The following EIF4G3 variants were observed in gnomAD, a reference collection of about 807,000 sequenced individuals.
The protein encoded by EIF4G3 is eIF-4-gamma 3.
EIF4G3 carries 34 observed loss-of-function variants against 186.4 expected under a neutral mutation model. The observed-to-expected ratio is 0.18, with a 90% CI of 0.14 to 0.24. EIF4G3 has a LOEUF of 0.24. Among genes scored for constraint, EIF4G3 ranks in the 10% least tolerant of loss-of-function variants. The pLI is 1.00. For missense variants in EIF4G3, 1,536 were observed against 1,948.5 expected (o/e 0.79, Z 3.99); for synonymous variants, 673 against 679.5 (o/e 0.99, Z 0.15).
intron 4 of EIF4G3, among the ~76,000 whole-genome samples, chr1:21,043,075 C>T (rs6668370): frequency 0.44 from 66,792 of 151,938 alleles, 15,041 homozygotes; most frequent in Non-Finnish European, 0.47. Flanking sequence ...GCAAGAAAAA[C>T]GCTGACAGAG....
chr1:21,042,003 T>C (rs905382188), intron 4 of EIF4G3, among the ~76,000 whole-genome samples: 1 of 151,586 alleles, frequency 6.6e-6, no homozygotes, highest in East Asian at 1.9e-4. Context: ...TTTTTTTTTT[T>C]GGAGACAGGG....
chr1:21,052,055 A>G (rs1050611666), intron 3 of EIF4G3, among the ~76,000 whole-genome samples: 7 of 152,242 alleles, frequency 4.6e-5, no homozygotes, highest in African/African-American at 9.6e-5. Context: ...AAAGCATTAC[A>G]GGTATTTATT....
intron 2 of EIF4G3, among the ~76,000 whole-genome samples, chr1:21,173,859 C>A (rs1433062669): frequency 6.6e-6 from 1 of 152,138 alleles, no homozygotes; most frequent in Non-Finnish European, 1.5e-5. Flanking sequence ...TGACCACTTG[C>A]GTCAAATACA....
rs376054850 is a variant in EIF4G3 at position 21,070,620 on chromosome 1, T to C, written c.-196+18518A>G. On this transcript the variant is annotated intron_variant, in intron 3 of 36. Coordinates refer to ENST00000602326, the MANE Select transcript of EIF4G3 (RefSeq NM_001391906.1). Reference sequence around the variant, plus strand: ...TAAAACTCCTTAATGAAAAGAACTATATAACCTACTAACATTTTAAGAGCC... The same window carrying C: ...TAAAACTCCTTAATGAAAAGAACTACATAACCTACTAACATTTTAAGAGCC... Among the ~76,000 whole-genome samples the C allele has an allele frequency of 2.0e-5, 3 of 152,298 alleles. No homozygotes were observed. The South Asian group carries it at 6.2e-4, about 32-fold the overall frequency.
At chr1:21,127,009 G>C (rs2097059263) in intron 2 of EIF4G3, among the ~76,000 whole-genome samples, 1 of 151,972 alleles carries the variant, frequency 6.6e-6, no homozygotes, top group Non-Finnish European at 1.5e-5. Flanking sequence ...GTTGAGAAAA[G>C]GTCTCACTTT....
chr1:20,856,885 G>A (rs569392010), intron 25 of EIF4G3, among the ~76,000 whole-genome samples: 9 of 152,144 alleles, frequency 5.9e-5, no homozygotes, highest in East Asian at 3.9e-4. Flanking sequence ...AAATGAGGCC[G>A]GGCGCGGTGG....
chr1:21,049,716 C>T (rs1273633127), intron 4 of EIF4G3, among the ~76,000 whole-genome samples: 2 of 151,950 alleles, frequency 1.3e-5, no homozygotes, highest in African/African-American at 4.8e-5. Context: ...CCCATCTCTA[C>T]AAAAAATTTA....
At chr1:20,886,011 A>G (rs2084014821) in intron 19 of EIF4G3, among the ~76,000 whole-genome samples, 190 bp downstream of exon 19, 1 of 152,252 alleles carries the variant, frequency 6.6e-6, no homozygotes, top group African/African-American at 2.4e-5. Flanking sequence ...AAAAATACAC[A>G]TAAAGCAATT....
At chr1:20,906,817 CACACACACACACACAA>C (rs909115038) in intron 14 of EIF4G3, among the ~76,000 whole-genome samples, 6 of 151,518 alleles carry the variant, frequency 4.0e-5, no homozygotes, top group African/African-American at 1.5e-4. Context: ...TGGATACACA[CACACACACACACACAA>C]ACACACACAC....
At chr1:21,039,630 T>C (rs1423453096) in intron 4 of EIF4G3, among the ~76,000 whole-genome samples, 5 of 152,034 alleles carry the variant, frequency 3.3e-5, no homozygotes, top group African/African-American at 1.2e-4. Context: ...CACCCTGAAC[T>C]CCAGACTGGT....
At chr1:21,121,636 G>A (rs1301448407) in intron 2 of EIF4G3, among the ~76,000 whole-genome samples, 3 of 152,018 alleles carry the variant, frequency 2.0e-5, no homozygotes, top group Non-Finnish European at 4.4e-5. Context: ...TCAGCCAGGC[G>A]TGGTGGTGCA....
intron 14 of EIF4G3, among the ~76,000 whole-genome samples, chr1:20,933,553 G>A (rs1405096511): frequency 3.3e-5 from 5 of 152,108 alleles, no homozygotes; most frequent in Non-Finnish European, 5.9e-5. Context: ...TACTCAGGGG[G>A]CTGAGGGAGG....
intron 30 of EIF4G3, among the ~76,000 whole-genome samples, chr1:20,833,343 A>G (rs974622121): frequency 4.6e-4 from 70 of 152,160 alleles, no homozygotes; most frequent in African/African-American, 1.7e-3. Flanking sequence ...TGTAAGTTGG[A>G]TTCCTAGGTA....
intron 2 of EIF4G3, among the ~76,000 whole-genome samples, chr1:21,091,023 T>C (rs762774886): frequency 8.5e-5 from 13 of 152,218 alleles, no homozygotes; most frequent in Non-Finnish European, 1.3e-4. Flanking sequence ...ACTTCTATAA[T>C]ACATAAAGTA....
intron 28 of EIF4G3, among the ~76,000 whole-genome samples, chr1:20,849,735 T>C (rs1051290192): frequency 3.3e-5 from 5 of 152,218 alleles, no homozygotes; most frequent in African/African-American, 1.2e-4. Flanking sequence ...ATGAACAAGA[T>C]TTAGGAACAT....
intron 2 of EIF4G3, among the ~76,000 whole-genome samples, chr1:21,158,850 C>T (rs780900472): frequency 6.6e-5 from 10 of 151,900 alleles, no homozygotes; most frequent in Non-Finnish European, 1.3e-4. Context: ...TTGCTGTTAA[C>T]GAAACTCAAA....
intron 3 of EIF4G3, among the ~76,000 whole-genome samples, chr1:21,059,590 A>C (rs1334654536): frequency 6.6e-6 from 1 of 152,152 alleles, no homozygotes; most frequent in Non-Finnish European, 1.5e-5. Context: ...TCCTTGCTCT[A>C]CTCTTACCTA....
At chr1:21,024,818 C>G (rs1225393080) in intron 4 of EIF4G3, among the ~76,000 whole-genome samples, 1 of 149,616 alleles carries the variant, frequency 6.7e-6, no homozygotes, top group Non-Finnish European at 1.5e-5. Context: ...TATCTGCTGA[C>G]CTTCCCTCCA....
intron 4 of EIF4G3, among the ~76,000 whole-genome samples, chr1:21,040,480 A>T (rs1448359709): frequency 6.6e-6 from 1 of 152,158 alleles, no homozygotes; most frequent in African/African-American, 2.4e-5. Context: ...ATCAAACCCA[A>T]AGAGGGGATC....
Sources: gnomAD v4.1 joint callset for allele counts (sites outside exome capture counted in the v4.1 genomes callset) on GRCh38, gnomAD v4.1.1 for gene constraint, MANE v1.5 for transcripts, NCBI Gene and HGNC (gene_info 2026-07-23, HGNC 2026-07-21) for gene names.